The following MYO10 variants were observed in gnomAD, a reference collection of about 807,000 sequenced individuals.
The protein encoded by MYO10 is myosin X.
Under a neutral mutation model 257.3 loss-of-function variants are expected in MYO10, and 133 were observed. That is an observed-to-expected ratio of 0.52 (90% CI 0.45 to 0.60). The LOEUF is 0.60. Ranked by LOEUF, MYO10 falls within the 20% of genes least tolerant of loss-of-function variation. MYO10 has a pLI of 0.00. For missense variants in MYO10, 2,399 were observed against 2,635.7 expected (o/e 0.91, Z 1.97); for synonymous variants, 1,104 against 1,028.6 (o/e 1.07, Z -1.40).
Position 16,754,890 on chromosome 5 carries a change from T to G in MYO10, c.1867A>C (p.Met623Leu). 1 of 1,599,938 alleles carries G rather than the reference T, an allele frequency of 6.3e-7. No individual in the cohort carries two copies. The highest frequency in any genetic ancestry group is 1.7e-5 in the Admixed American group (1 of 59,198). ...GGATTAGAGGAGCTTAGCGTTGCCA[T>G]TAAGGAATGCAGTGAGTCCTATTAG... is the stretch of plus-strand genomic sequence containing the variant. Reference protein sequence around the residue: ...SQFKDSLHSLMATLSSSNPFF... With the variant: ...SQFKDSLHSLLATLSSSNPFF... The change falls in exon 19 of 41, where the codon ATG becomes CTG. Residue 623 changes from methionine (M) to leucine (L), a missense_variant. Physicochemically the swap from Met to Leu is conservative, Grantham distance 15. Transcript: ENST00000513610.
rs771326395 is a variant in MYO10 at position 16,701,487 on chromosome 5, C to T, written c.2908G>A (p.Glu970Lys). ...TCCTCGCATGCGCTCTCAGCCAGCT[C>T]GCTGGAAAATTCGCTTCCCACCGAC... ...SLSVGSEFSSELAESACEEKP... is the reference protein window; with the variant it reads ...SLSVGSEFSSKLAESACEEKP... The change falls in exon 25 of 41, where the codon GAG becomes AAG. Residue 970 changes from glutamate to lysine, a missense_variant. Around this residue, in one of 3 missense-constraint regions of MYO10, gnomAD observed 1,820 missense variants for 1,939.4 expected, o/e 0.94. Coordinates refer to ENST00000513610, the MANE Select transcript of MYO10 (RefSeq NM_012334.3). This position sits in a 1 kb window ranked among gnomAD's most constrained non-coding sequence, Gnocchi z 8.1. 12 of 1,613,710 alleles carry T rather than the reference C, an allele frequency of 7.4e-6. No individual in the cohort carries two copies. Among genetic ancestry groups the T allele is most frequent in the Admixed American group, 3.3e-5 (2 of 59,992 alleles).
rs112559007 is a variant in MYO10 at position 16,823,557 on chromosome 5, C to T, written c.121-5390G>A. 3.1e-4 allele frequency among the ~76,000 whole-genome samples: 44 copies of T among 139,950 alleles called. 1 individual carries two copies. The highest frequency in any genetic ancestry group is 8.5e-3 in the Middle Eastern group (2 of 236). The allele number at this position is 139,950 out of a possible 152,430, so 91.8% of individuals were successfully genotyped here. A position where few individuals can be genotyped will look rare whatever the true frequency, so the allele number is the denominator to read the frequency against. On this transcript the variant is annotated intron_variant, in intron 2 of 40. Coordinates refer to ENST00000513610, the MANE Select transcript of MYO10 (RefSeq NM_012334.3). Reference sequence around the variant, plus strand: ...CACAATCTCGGCTCACTGCAAACTCCGCCTCCAGGGTTCATGCCATTCTCC... The same window carrying T: ...CACAATCTCGGCTCACTGCAAACTCTGCCTCCAGGGTTCATGCCATTCTCC...
intron 2 of MYO10, among the ~76,000 whole-genome samples, chr5:16,846,758 C>A (rs2126731866): frequency 6.6e-6 from 1 of 152,332 alleles, no homozygotes. Context: ...CCTCCCTATT[C>A]TGCAAACCAA....
Position 16,674,954 on chromosome 5 carries a change from G to A in MYO10, c.4863C>T (p.Gly1621=). 6.2e-7 allele frequency: 1 copy of A among 1,614,032 alleles called. No individual in the cohort carries two copies. The highest frequency in any genetic ancestry group is 1.1e-5 in the South Asian group (1 of 91,088). ...GCCAGCTGTACAGGTTGCCCACACTGCCGGGGTGGGGCACTTTGTTGGTCT... is the reference window on the plus strand; with the variant it reads ...GCCAGCTGTACAGGTTGCCCACACTACCGGGGTGGGGCACTTTGTTGGTCT... ...IKQTNKVPHP[G]SVGNLYSWQI... is the part of the protein sequence containing the mutation. The change falls in exon 35 of 41, where the codon GGC becomes GGT. Residue 1621 remains glycine, a synonymous_variant. Coordinates refer to ENST00000513610, the MANE Select transcript of MYO10 (RefSeq NM_012334.3).
intron 1 of MYO10, among the ~76,000 whole-genome samples, chr5:16,925,416 G>A (rs527980271): frequency 3.9e-5 from 6 of 152,224 alleles, no homozygotes; most frequent in East Asian, 1.9e-4. Context: ...TATGGTACAC[G>A]CATTACGGTA....
chr5:16,894,060 G>A (rs185293901), intron 1 of MYO10, among the ~76,000 whole-genome samples: 32 of 152,274 alleles, frequency 2.1e-4, no homozygotes, highest in African/African-American at 6.7e-4. Context: ...AGATAATACA[G>A]GGAGTCCCTG....
chr5:16,787,994 A>G (rs1251736978), intron 4 of MYO10, among the ~76,000 whole-genome samples: 1 of 152,068 alleles, frequency 6.6e-6, no homozygotes, highest in African/African-American at 2.4e-5. Context: ...GAGTTTCACC[A>G]TGTTGGCCAG....
chr5:16,802,046 C>T (rs1200231105), intron 3 of MYO10, among the ~76,000 whole-genome samples: 8 of 152,086 alleles, frequency 5.3e-5, no homozygotes, highest in Non-Finnish European at 7.4e-5. Context: ...AAACACTGTG[C>T]GAGTCCACTT....
chr5:16,710,824 G>C (rs1303116538), intron 21 of MYO10, 84 bp downstream of exon 21: 8 of 1,100,282 alleles, frequency 7.3e-6, no homozygotes, highest in Middle Eastern at 2.7e-4. Context: ...TTGTATAGCG[G>C]TGTCATAGAG....
chr5:16,663,104 T>G lies in MYO10; in HGVS notation c.*3588A>C, dbSNP rs888729852. 3.9e-5 allele frequency: 6 copies of G among 152,134 alleles called. No individual in the cohort carries two copies. Among genetic ancestry groups the G allele is most frequent in the African/African-American group, 1.4e-4 (6 of 41,424 alleles). 9.4% of individuals were successfully genotyped at this position (152,134 alleles called of 1,614,324 possible). ...CAATTCTATAGGTATTAATGTAGGATTAGAGCTAAAATACTATGCTGAGAA... is the reference window on the plus strand; with the variant it reads ...CAATTCTATAGGTATTAATGTAGGAGTAGAGCTAAAATACTATGCTGAGAA... On this transcript the variant is annotated 3_prime_UTR_variant, in exon 41 of 41. Transcript: ENST00000513610.
chr5:16,667,233 A>G, intron 40 of MYO10, among the ~76,000 whole-genome samples: 1 of 152,156 alleles, frequency 6.6e-6, no homozygotes, highest in East Asian at 1.9e-4. Flanking sequence ...GAAACAAGAT[A>G]ACTGAGGCCC....
intron 21 of MYO10, among the ~76,000 whole-genome samples, chr5:16,705,126 A>G (rs1738273280): frequency 6.6e-6 from 1 of 152,226 alleles, no homozygotes; most frequent in South Asian, 2.1e-4. Flanking sequence ...GGAAGCCAAG[A>G]AATTTCTAAA....
intron 1 of MYO10, among the ~76,000 whole-genome samples, chr5:16,932,918 C>G (rs1746329563): frequency 6.6e-6 from 1 of 152,134 alleles, no homozygotes. Flanking sequence ...CAGGTGCATA[C>G]CACCACACTC....
At chr5:16,881,455 TCTC>T (rs1744752822) in intron 1 of MYO10, among the ~76,000 whole-genome samples, 1 of 152,132 alleles carries the variant, frequency 6.6e-6, no homozygotes, top group Non-Finnish European at 1.5e-5. Context: ...CCAAAGGTCT[TCTC>T]CAACAGGTGT....
intron 2 of MYO10, among the ~76,000 whole-genome samples, chr5:16,874,961 G>A (rs2562336): frequency 0.099 from 15,116 of 152,190 alleles, 1,274 homozygotes; most frequent in African/African-American, 0.23. Context: ...AACTTCTTAC[G>A]TGGAGGCGGC....
In MYO10 at chr5:16,688,767, T is replaced by C. The variant is rs112441232; in HGVS notation, c.3896+1057A>G. On this transcript the variant is annotated intron_variant, in intron 28 of 40. Transcript: ENST00000513610. The stretch of plus-strand genomic sequence containing the variant: ...AAAAAAAAGAAAAAAAAAAAAAAGA[T>C]GTTCTCTGGCATTGCTCAGACACCT... Among the ~76,000 whole-genome samples the C allele has an allele frequency of 3.2e-3, 457 of 140,940 alleles. 2 individuals are homozygous for C. The highest frequency in any genetic ancestry group is 0.011 in the African/African-American group (432 of 38,580). 92.5% of individuals were successfully genotyped at this position (140,940 alleles called of 152,430 possible).
At chr5:16,873,990 T>G (rs1413356441) in intron 2 of MYO10, among the ~76,000 whole-genome samples, 1 of 152,136 alleles carries the variant, frequency 6.6e-6, no homozygotes, top group East Asian at 1.9e-4. Flanking sequence ...AACATTAGGC[T>G]CCTTGCTACT....
At chr5:16,786,580 GA>G (rs1741587831) in intron 4 of MYO10, among the ~76,000 whole-genome samples, 1 of 152,136 alleles carries the variant, frequency 6.6e-6, no homozygotes, top group African/African-American at 2.4e-5. Flanking sequence ...ACATTCAATA[GA>G]AATGTTCTTT....
chr5:16,677,415 C>CT (rs1561172820), intron 33 of MYO10, among the ~76,000 whole-genome samples: 1 of 100,688 alleles, frequency 9.9e-6, no homozygotes, highest in East Asian at 2.5e-4. Context: ...GGTAACTTGA[C>CT]CTTTTTTTTT....
Sources: allele counts gnomAD v4.1 joint callset (sites outside exome capture counted in the v4.1 genomes callset), GRCh38; gene constraint gnomAD v4.1.1; regional missense constraint gnomAD v4.1.1; non-coding constraint Gnocchi (gnomAD v3.1); transcripts MANE v1.5; gene names NCBI Gene and HGNC (gene_info 2026-07-23, HGNC 2026-07-21).